RBM45: variants seen among roughly 807,000 people sequenced by gnomAD.
The protein encoded by RBM45 is RNA-binding protein 45.
RBM45 carries 39 observed loss-of-function variants against 58.5 expected under a neutral mutation model. The observed-to-expected ratio is 0.67, with a 90% confidence interval of 0.52 to 0.87. RBM45 has a LOEUF of 0.87. Ranked by LOEUF, RBM45 falls within the 40% of genes least tolerant of loss-of-function variation. The probability of loss-of-function intolerance (pLI) is 0.00; values close to 1 mark genes in which losing one functional copy is unlikely to be tolerated. For synonymous variants in RBM45, 193 were observed against 203.0 expected, an observed-to-expected ratio of 0.95 and a Z score of 0.42; for missense variants, 481 against 581.6, an observed-to-expected ratio of 0.83 and a Z score of 1.78.
chr2:178,115,451 A>G (rs2087758633), intron 1 of RBM45, among the ~76,000 whole-genome samples: 1 of 152,084 alleles, frequency 6.6e-6, no homozygotes, highest in Admixed American at 6.5e-5. Flanking sequence ...TACTGATATC[A>G]GCCACAAGAC....
intron 2 of RBM45, 146 bp downstream of exon 2, chr2:178,116,530 C>T: frequency 1.7e-6 from 1 of 593,396 alleles, no homozygotes; most frequent in Non-Finnish European, 2.7e-6. Context: ...TCAATCTACT[C>T]TTTAAATATT....
At chr2:178,127,994 C>CTTTTTT (rs3067447) in intron 9 of RBM45, among the ~76,000 whole-genome samples, 2 of 72,530 alleles carry the variant, frequency 2.8e-5, no homozygotes, top group Non-Finnish European at 4.9e-5. Context: ...TCTCTACGCC[C>CTTTTTT]TTTTTTTTTT....
chr2:178,137,148 G>A (rs988234068), exon 4 of RBM45: 1 of 152,110 alleles, frequency 6.6e-6, no homozygotes, highest in Non-Finnish European at 1.5e-5. Flanking sequence ...AACTCAGAAT[G>A]TTCAGCCGTA....
chr2:178,119,493 T>C (rs2087820970), intron 3 of RBM45, among the ~76,000 whole-genome samples: 1 of 152,204 alleles, frequency 6.6e-6, no homozygotes, highest in Admixed American at 6.5e-5. Context: ...CATTGGAACA[T>C]GGGAACCATA....
chr2:178,128,633 A>G (rs892343332), intron 9 of RBM45, among the ~76,000 whole-genome samples: 3 of 152,038 alleles, frequency 2.0e-5, no homozygotes, highest in Non-Finnish European at 2.9e-5. Context: ...TTAATCTATC[A>G]TTTTTCCCTT....
At chr2:178,131,472 C>G (rs1037445661), downstream of RBM45, among the ~76,000 whole-genome samples, 5 of 152,188 alleles carry the variant, frequency 3.3e-5, no homozygotes, top group African/African-American at 9.6e-5. Flanking sequence ...GAGCTTGAAT[C>G]TGTCACATGG....
Position 178,121,173 on chromosome 2 carries a change from G to T in RBM45, c.674-7G>T. ...CTAAAGATTTACTTTTTTTTATATT[G>T]TCGGAGAACAACAATCTGAATTTTC... is the stretch of plus-strand genomic sequence containing the variant. On this transcript the variant is annotated splice_polypyrimidine_tract_variant and splice_region_variant and intron_variant, in intron 4 of 9. Coordinates refer to ENST00000286070, the MANE Select transcript of RBM45 (RefSeq NM_152945.4). The T allele has an allele frequency of 3.5e-6, 5 of 1,429,960 alleles. No individual in the cohort carries two copies. The highest frequency in any genetic ancestry group is 2.9e-6 in the Non-Finnish European group (3 of 1,041,964). The allele number at this position is 1,429,960 out of a possible 1,614,324, so 88.6% of individuals were successfully genotyped here.
intron 8 of RBM45, 102 bp from the exon 9 acceptor site, chr2:178,125,881 TG>T: frequency 1.2e-6 from 1 of 818,662 alleles, no homozygotes; most frequent in Non-Finnish European, 2.1e-6. Context: ...ATGTTGGATC[TG>T]GGGAGAAGGG....
chr2:178,116,817 G>A (rs1052255984), intron 2 of RBM45, among the ~76,000 whole-genome samples: 5 of 151,948 alleles, frequency 3.3e-5, no homozygotes, highest in African/African-American at 9.7e-5. Context: ...GAATCAGGCA[G>A]ACCTGAGTGT....
rs1156667055 is a variant in RBM45, at chr2:178,135,664, C to G, written c.*9-799C>G. On this transcript the variant is annotated intron_variant, in intron 3 of 3. Coordinates refer to the RBM45 transcript ENST00000455903. The stretch of plus-strand genomic sequence containing the variant: ...TTAGCTATTTGTAGCAGGAATTTAT[C>G]ATGTCTTCTAGATCTTGTTGATATT... Among the ~76,000 whole-genome samples, 3 of 152,212 alleles carry G rather than the reference C, an allele frequency of 2.0e-5. No homozygotes were observed. In the East Asian group the frequency reaches 5.8e-4, roughly 29 times the overall value.
intron 3 of RBM45, among the ~76,000 whole-genome samples, chr2:178,119,950 A>G (rs1302239383): frequency 6.6e-6 from 1 of 152,222 alleles, no homozygotes; most frequent in Non-Finnish European, 1.5e-5. Context: ...ACTTGGTGAC[A>G]GGTTAAATAT....
downstream of RBM45, among the ~76,000 whole-genome samples, chr2:178,132,840 G>A (rs1308021245): frequency 6.6e-6 from 1 of 152,014 alleles, no homozygotes; most frequent in Admixed American, 6.6e-5. Flanking sequence ...TGCCCACCTC[G>A]GCCTCCCAAA....
chr2:178,131,147 T>C (rs1034264349), downstream of RBM45, among the ~76,000 whole-genome samples: 1 of 152,202 alleles, frequency 6.6e-6, no homozygotes, highest in African/African-American at 2.4e-5. Context: ...ACAAGGGAAG[T>C]TGTGGATTAA....
At chr2:178,122,506 A>G (rs568714109) in intron 5 of RBM45, among the ~76,000 whole-genome samples, 1 of 152,244 alleles carries the variant, frequency 6.6e-6, no homozygotes, top group East Asian at 1.9e-4. Context: ...ACCCGATCAT[A>G]TGCGTCATTC....
intron 8 of RBM45, among the ~76,000 whole-genome samples, chr2:178,125,467 C>T (rs1277596353): frequency 3.3e-5 from 5 of 152,086 alleles, no homozygotes; most frequent in African/African-American, 9.7e-5. Flanking sequence ...AATAATTTCT[C>T]CACAGGTGAA....
At chr2:178,138,446 C>A (rs1471972564) in exon 4 of RBM45, 1 of 152,050 alleles carries the variant, frequency 6.6e-6, no homozygotes, top group Non-Finnish European at 1.5e-5. Context: ...CATGGTTGAT[C>A]TAAAAAATTT....
exon 4 of RBM45, chr2:178,136,969 A>G (rs1208234101): frequency 1.3e-5 from 2 of 152,244 alleles, no homozygotes; most frequent in African/African-American, 4.8e-5. Context: ...TTCACAAAAG[A>G]AGACCAAGAA....
At position 178,126,035 on chromosome 2, in the gene RBM45, G is replaced by T. The variant is rs1317520822; in HGVS notation, c.1284G>T (p.Gly428=). ...ACCTTGTGTCAGGAAAAAATGTGGGGTATGCCAAGTATGCCGATAGAATAA... is the reference window on the plus strand; with the variant it reads ...ACCTTGTGTCAGGAAAAAATGTGGGTTATGCCAAGTATGCCGATAGAATAA... ...EVYLVSGKNV[G]YAKYADRISA... is the part of the protein sequence containing the mutation. Residue 428 remains glycine, a synonymous_variant, in exon 9 of 10, where the codon GGG becomes GGT. Coordinates refer to ENST00000286070, the MANE Select transcript of RBM45 (RefSeq NM_152945.4). The T allele has an allele frequency of 6.2e-7, 1 of 1,613,798 alleles. No individual in the cohort carries two copies. The highest frequency in any genetic ancestry group is 8.5e-7 in the Non-Finnish European group (1 of 1,179,868).
chr2:178,128,990 G>A (rs2087972335), intron 9 of RBM45, among the ~76,000 whole-genome samples: 1 of 152,080 alleles, frequency 6.6e-6, no homozygotes, highest in African/African-American at 2.4e-5. Flanking sequence ...GCTCATGAAG[G>A]CTGGTTTCTT....
Sources: allele counts gnomAD v4.1 joint callset (sites outside exome capture counted in the v4.1 genomes callset), GRCh38; gene constraint gnomAD v4.1.1; transcripts MANE v1.5; gene names NCBI Gene and HGNC (gene_info 2026-07-23, HGNC 2026-07-21).